The following CEP85L variants were observed in gnomAD, a reference collection of about 807,000 sequenced individuals.
CEP85L encodes centrosomal protein of 85 kDa-like.
In CEP85L, 60 loss-of-function variants were observed where a neutral mutation model predicts 100.3. That is an observed-to-expected ratio of 0.60 (90% confidence interval 0.49 to 0.74). The LOEUF is 0.74. Ranked by LOEUF, CEP85L falls within the 30% of genes least tolerant of loss-of-function variation. The probability of loss-of-function intolerance (pLI) is 0.00; values close to 1 mark genes in which losing one functional copy is unlikely to be tolerated. For synonymous variants in CEP85L, 319 were observed against 322.7 expected (o/e 0.99, Z 0.12); for missense variants, 973 against 936.2 (o/e 1.04, Z -0.51).
chr6:118,568,670 G>C (rs1779689029), intron 2 of CEP85L, among the ~76,000 whole-genome samples: 1 of 152,134 alleles, frequency 6.6e-6, no homozygotes, highest in South Asian at 2.1e-4. Context: ...TAAGATGACT[G>C]ATTATTCTGA....
chr6:118,632,100 G>A lies in CEP85L; in HGVS notation c.232+353C>T, dbSNP rs1774200928. On this transcript the variant is annotated intron_variant, in intron 2 of 12. Transcript: ENST00000368491. Reference sequence around the variant, plus strand: ...CGCCTCCTGGGTTCACGCCATTCTCGTGCCTCAGCCTCTCAAGTAGCTGGG... The same window carrying A: ...CGCCTCCTGGGTTCACGCCATTCTCATGCCTCAGCCTCTCAAGTAGCTGGG... Among the ~76,000 whole-genome samples the A allele has an allele frequency of 4.6e-5, 7 of 152,028 alleles. No individual in the cohort carries two copies. The South Asian group carries it at 8.3e-4, about 18-fold the overall frequency.
chr6:118,586,896 T>C (rs1256089822), intron 2 of CEP85L, among the ~76,000 whole-genome samples: 1 of 152,192 alleles, frequency 6.6e-6, no homozygotes, highest in African/African-American at 2.4e-5. Context: ...GGGTGGAATG[T>C]CAGAGAGAGA....
chr6:118,639,376 A>G (rs1774718807), intron 1 of CEP85L, among the ~76,000 whole-genome samples: 1 of 152,130 alleles, frequency 6.6e-6, no homozygotes, highest in African/African-American at 2.4e-5. Context: ...AATAAATTCA[A>G]ACTCCTTAAG....
At chr6:118,536,279 T>A (rs1005025874) in intron 3 of CEP85L, among the ~76,000 whole-genome samples, 1 of 152,074 alleles carries the variant, frequency 6.6e-6, no homozygotes, top group East Asian at 1.9e-4. Flanking sequence ...GTCAGAACAG[T>A]AGAGATGGGT....
At chr6:118,602,504 T>C (rs1397687335) in intron 2 of CEP85L, among the ~76,000 whole-genome samples, 1 of 152,220 alleles carries the variant, frequency 6.6e-6, no homozygotes, top group East Asian at 1.9e-4. Flanking sequence ...ATCCCACTTG[T>C]TCTGAGCAAC....
chr6:118,497,972 A>G lies in CEP85L; in HGVS notation c.1258-6107T>C, dbSNP rs925188727. Among the ~76,000 whole-genome samples, 21 of 152,356 alleles carry G rather than the reference A, an allele frequency of 1.4e-4. 3 individuals carry two copies. The highest frequency in any genetic ancestry group is 7.2e-4 in the Admixed American group (11 of 15,310). On this transcript the variant is annotated intron_variant, in intron 5 of 12. Transcript: ENST00000368491. ...CTTATGAATAAGTGAAATGACTGAT[A>G]ACAATGATACAAGGATGAGAAGGAA...
In CEP85L at chr6:118,480,909, T is replaced by C. The variant is rs993663258; in HGVS notation, c.1746-396A>G. ...GGGAACCTAAGAATATGGATCCACA[T>C]CTTTTGTTCTTTATTCTAAGCTCAG... On this transcript the variant is annotated intron_variant, in intron 8 of 12. Transcript: ENST00000368491. Among the ~76,000 whole-genome samples, 3 of 152,152 alleles carry C rather than the reference T, an allele frequency of 2.0e-5. No individual in the cohort carries two copies. The East Asian group carries it at 5.8e-4, about 29-fold the overall frequency.
intron 1 of CEP85L, among the ~76,000 whole-genome samples, chr6:118,646,473 A>AACC (rs1268913645): frequency 2.6e-5 from 4 of 152,060 alleles, no homozygotes; most frequent in Admixed American, 2.6e-4. Flanking sequence ...GTTCAAGACC[A>AACC]ACCTGGTCAA....
At position 118,631,823 on chromosome 6, in the gene CEP85L, G is replaced by A. The variant is rs898335392; in HGVS notation, c.232+630C>T. ...AAGGAGAGGGGGCAGAGAGAGAAGT[G>A]GGTGTGGGAAACATGAGGTATGTGG... On this transcript the variant is annotated intron_variant, in intron 2 of 12. Transcript: ENST00000368491. Among the ~76,000 whole-genome samples the A allele has an allele frequency of 4.6e-5, 7 of 152,252 alleles. No individual in the cohort carries two copies. In the South Asian group the frequency reaches 1.5e-3, roughly 32 times the overall value.
In CEP85L at chr6:118,697,241, AG is replaced by A. The variant is rs1396242221; in HGVS notation, c.-28+12794del. ...TACAAATCTGAAGTTTTGTTCACAA[AG>A]AAGGGGTATAGCTATTGGATTGACA... On this transcript the variant is annotated intron_variant, in intron 1 of 13. Transcript: ENST00000368488. Among the ~76,000 whole-genome samples, 19 of 152,338 alleles carry A rather than the reference AG, an allele frequency of 1.2e-4. No individual in the cohort carries two copies. The East Asian group carries it at 3.5e-3, about 28-fold the overall frequency.
chr6:118,482,032 TAAAA>T (rs35791512), intron 7 of CEP85L, 99 bp from the exon 8 acceptor site: 10,128 of 351,506 alleles, frequency 0.029, 176 homozygotes, highest in African/African-American at 0.1. Flanking sequence ...GACTTGTAGC[TAAAA>T]AAAAAAAAAA....
chr6:118,684,637 C>T (rs769818828), intron 1 of CEP85L, among the ~76,000 whole-genome samples: 8 of 152,056 alleles, frequency 5.3e-5, no homozygotes, highest in African/African-American at 1.7e-4. Context: ...CTTTTTTCAC[C>T]GCTCCTGATG....
At chr6:118,600,300 G>GGGGGGTGTGTGTGTGT (rs1562297733) in intron 2 of CEP85L, among the ~76,000 whole-genome samples, 2 of 52,236 alleles carry the variant, frequency 3.8e-5, no homozygotes, top group Non-Finnish European at 8.1e-5. Context: ...CCTTCCTGGG[G>GGGGGGTGTGTGTGTGT]GTGTGTGTGT....
chr6:118,533,373 C>T (rs911590343), intron 3 of CEP85L, among the ~76,000 whole-genome samples: 3 of 152,006 alleles, frequency 2.0e-5, no homozygotes, highest in African/African-American at 2.4e-5. Context: ...TTGAATTAGA[C>T]CAACTTCTTA....
chr6:118,519,768 T>C (rs1043661339), intron 4 of CEP85L, among the ~76,000 whole-genome samples: 1 of 151,760 alleles, frequency 6.6e-6, no homozygotes, highest in Non-Finnish European at 1.5e-5. Flanking sequence ...GTTTAGGAAA[T>C]AAAAAATACT....
At position 118,611,257 on chromosome 6, in the gene CEP85L, T is replaced by C. The variant is rs558635539; in HGVS notation, c.232+21196A>G. Reference sequence around the variant, plus strand: ...GACGGTAAAGGAATATAAAAACAGGTAAGATTTCTCTACTCCACTCAAAGT... The same window carrying C: ...GACGGTAAAGGAATATAAAAACAGGCAAGATTTCTCTACTCCACTCAAAGT... On this transcript the variant is annotated intron_variant, in intron 2 of 12. Transcript: ENST00000368491. Among the ~76,000 whole-genome samples the C allele has an allele frequency of 4.1e-4, 62 of 152,254 alleles. 1 individual carries two copies. In the South Asian group the frequency reaches 0.012, roughly 31 times the overall value.
At chr6:118,585,780 A>G (rs573456454) in intron 2 of CEP85L, among the ~76,000 whole-genome samples, 3 of 152,320 alleles carry the variant, frequency 2.0e-5, no homozygotes, top group African/African-American at 7.2e-5. Flanking sequence ...AGTCTGTCTT[A>G]AAAATAATCC....
intron 3 of CEP85L, chr6:118,565,092 G>A (rs1779425134): frequency 1.2e-5 from 2 of 169,454 alleles, no homozygotes; most frequent in African/African-American, 4.8e-5. Flanking sequence ...TCATTGTACA[G>A]ATGAAGAAAC....
In CEP85L at chr6:118,651,241, G is replaced by T; in HGVS notation, c.29C>A (p.Ala10Asp). 6.7e-7 allele frequency: 1 copy of T among 1,494,342 alleles called. No homozygotes were observed. Among genetic ancestry groups the T allele is most frequent in the East Asian group, 2.8e-5 (1 of 35,218 alleles). 92.6% of individuals were successfully genotyped at this position (1,494,342 alleles called of 1,614,324 possible). Residue 10 changes from alanine to aspartate, a missense_variant, in exon 1 of 13, where the codon GCC (alanine) becomes GAC (aspartate). Physicochemically the swap from Ala to Asp is moderately radical, Grantham distance 126. Coordinates refer to ENST00000368491, the MANE Select transcript of CEP85L (RefSeq NM_001042475.3). ...TCCGCCGGGGCTATCCCGGCCGCTG[G>T]CCTCCGGAGCCAGGAAGCGCCCCCA... MWGRFLAPE[A>D]SGRDSPGGAR...
Sources: allele counts gnomAD v4.1 joint callset (sites outside exome capture counted in the v4.1 genomes callset), GRCh38; gene constraint gnomAD v4.1.1; transcripts MANE v1.5; gene names NCBI Gene and HGNC (gene_info 2026-07-23, HGNC 2026-07-21).